The following SNX29 variants were observed in gnomAD, a reference collection of about 807,000 sequenced individuals.
SNX29 encodes the protein sorting nexin-29.
SNX29 carries 78 observed loss-of-function variants against 102.1 expected under a neutral mutation model. That is an observed-to-expected ratio of 0.76 (90% CI 0.64 to 0.92). SNX29 has a LOEUF of 0.92. Ranked by LOEUF, SNX29 falls within the 40% of genes least tolerant of loss-of-function variation. The pLI is 0.00. For synonymous variants in SNX29, 580 were observed against 414.5 expected, an observed-to-expected ratio of 1.40 and a Z score of -4.85; for missense variants, 1,280 against 1,061.7, an observed-to-expected ratio of 1.21 and a Z score of -2.86.
chr16:12,156,998 A>T (rs2055580171), intron 13 of SNX29, among the ~76,000 whole-genome samples: 1 of 151,950 alleles, frequency 6.6e-6, no homozygotes, highest in Non-Finnish European at 1.5e-5. Context: ...AGGGGCTTGG[A>T]TTTAGGTGCT....
At chr16:12,355,504 A>G (rs1448049936) in intron 15 of SNX29, among the ~76,000 whole-genome samples, 2 of 152,170 alleles carry the variant, frequency 1.3e-5, no homozygotes, top group African/African-American at 4.8e-5. Flanking sequence ...CTGACCTCGC[A>G]TTCTGGGGAC....
chr16:12,549,378 C>G (rs1356760723), intron 20 of SNX29, among the ~76,000 whole-genome samples: 1 of 152,130 alleles, frequency 6.6e-6, no homozygotes, highest in Non-Finnish European at 1.5e-5. Flanking sequence ...ACCTGTAGTC[C>G]CAGCTACTCA....
At chr16:12,212,666 T>G (rs2077218015) in intron 14 of SNX29, among the ~76,000 whole-genome samples, 1 of 152,286 alleles carries the variant, frequency 6.6e-6, no homozygotes, top group African/African-American at 2.4e-5. Flanking sequence ...TCTTGTTTGC[T>G]TACTTTTTAA....
At chr16:12,506,305 C>A (rs2089375749) in intron 19 of SNX29, among the ~76,000 whole-genome samples, 1 of 152,052 alleles carries the variant, frequency 6.6e-6, no homozygotes, top group South Asian at 2.1e-4. Context: ...AGGGGGACAA[C>A]ACCCTAAAAA....
At chr16:12,237,242 G>A (rs1234108730) in intron 14 of SNX29, among the ~76,000 whole-genome samples, 1 of 152,154 alleles carries the variant, frequency 6.6e-6, no homozygotes, top group Non-Finnish European at 1.5e-5. Context: ...GGGAGTTTCT[G>A]AAGCCCAGCG....
intron 18 of SNX29, chr16:12,442,846 A>G (rs11075077): frequency 0.68 from 248,002 of 364,592 alleles, 86,687 homozygotes; most frequent in African/African-American, 0.88. Flanking sequence ...CTCCCATCTC[A>G]GCCTCACAAG....
At position 12,415,730 on chromosome 16, in the gene SNX29, C is replaced by T. The variant is rs140282444; in HGVS notation, c.2037+12201C>T. Among the ~76,000 whole-genome samples the T allele has an allele frequency of 3.7e-3, 557 of 152,278 alleles. 2 individuals carry two copies. The highest frequency in any genetic ancestry group is 0.013 in the African/African-American group (538 of 41,550). On this transcript the variant is annotated intron_variant, in intron 18 of 20. Coordinates refer to ENST00000566228, the MANE Select transcript of SNX29 (RefSeq NM_032167.5). ...GCTGACAGGTAGATGGACTCTCCTC[C>T]CCAGCGGGTCTCCATGGGGAACAGT...
At chr16:12,150,528 C>A (rs930194079) in intron 13 of SNX29, among the ~76,000 whole-genome samples, 12 of 152,224 alleles carry the variant, frequency 7.9e-5, no homozygotes, top group African/African-American at 2.4e-4. Context: ...TAACCTGAGT[C>A]ATTGAGGAGC....
At chr16:12,002,199 G>A (rs909640249) in intron 2 of SNX29, among the ~76,000 whole-genome samples, 3 of 152,122 alleles carry the variant, frequency 2.0e-5, no homozygotes, top group African/African-American at 2.4e-5. Flanking sequence ...TGTAATCCCA[G>A]CACTTTGGGA....
chr16:12,518,475 C>T (rs1258728356), intron 19 of SNX29, among the ~76,000 whole-genome samples: 2 of 152,204 alleles, frequency 1.3e-5, no homozygotes, highest in African/African-American at 4.8e-5. Flanking sequence ...ACCTTGACCA[C>T]CTGATGGCCA....
chr16:12,469,624 A>G (rs961114909), intron 18 of SNX29, among the ~76,000 whole-genome samples: 2 of 152,202 alleles, frequency 1.3e-5, no homozygotes, highest in African/African-American at 2.4e-5. Flanking sequence ...GGCAGCATTC[A>G]CTGAAGGCCC....
At chr16:12,152,002 T>C (rs2055322568) in intron 13 of SNX29, among the ~76,000 whole-genome samples, 1 of 151,698 alleles carries the variant, frequency 6.6e-6, no homozygotes, top group Non-Finnish European at 1.5e-5. Context: ...GCAGATTGCT[T>C]GAGCTCAGGA....
intron 17 of SNX29, among the ~76,000 whole-genome samples, chr16:12,400,007 C>T (rs7186272): frequency 0.16 from 24,293 of 152,036 alleles, 2,141 homozygotes; most frequent in Middle Eastern, 0.24. Context: ...GGCTGGTGTC[C>T]GGGCAGGTCC....
Position 12,572,554 on chromosome 16 carries a change from T to C in SNX29, c.*3925T>C. On this transcript the variant is annotated 3_prime_UTR_variant, in exon 21 of 21. Coordinates refer to ENST00000566228, the MANE Select transcript of SNX29 (RefSeq NM_032167.5). ...ACAGGGGGCTGCGACACCATCTGGC[T>C]CCTCACAGGGAGGTCCAGCCATGTT... The C allele has an allele frequency of 6.6e-6, 7 of 1,063,676 alleles. No homozygotes were observed. The highest frequency in any genetic ancestry group is 8.0e-6 in the Non-Finnish European group (7 of 878,220). 65.9% of individuals were successfully genotyped at this position (1,063,676 alleles called of 1,614,324 possible).
chr16:12,180,632 C>A (rs142315515), intron 13 of SNX29, among the ~76,000 whole-genome samples: 6 of 152,060 alleles, frequency 3.9e-5, no homozygotes, highest in Non-Finnish European at 5.9e-5. Context: ...TACAGGCGCC[C>A]GCCACCACGT....
At chr16:12,292,274 T>C (rs1310654357) in intron 15 of SNX29, among the ~76,000 whole-genome samples, 1 of 152,172 alleles carries the variant, frequency 6.6e-6, no homozygotes, top group Non-Finnish European at 1.5e-5. Context: ...GACGCCTCCA[T>C]AGTTCCTTTT....
At chr16:12,493,625 A>T (rs995422594) in intron 19 of SNX29, among the ~76,000 whole-genome samples, 1 of 152,050 alleles carries the variant, frequency 6.6e-6, no homozygotes, top group Non-Finnish European at 1.5e-5. Context: ...ACAAGGTCTC[A>T]CTCTTGCCCA....
At chr16:12,236,770 T>C (rs2077947179) in intron 14 of SNX29, among the ~76,000 whole-genome samples, 1 of 152,230 alleles carries the variant, frequency 6.6e-6, no homozygotes, top group Non-Finnish European at 1.5e-5. Flanking sequence ...GACATTAGTC[T>C]GAGCACTCGT....
intron 18 of SNX29, among the ~76,000 whole-genome samples, chr16:12,407,962 G>T (rs1236454489): frequency 6.6e-6 from 1 of 152,110 alleles, no homozygotes; most frequent in East Asian, 1.9e-4. Context: ...CTGTATTTCA[G>T]CCTACGCAAC....
Sources: gnomAD v4.1 joint callset for allele counts (sites outside exome capture counted in the v4.1 genomes callset) on GRCh38, gnomAD v4.1.1 for gene constraint, MANE v1.5 for transcripts, NCBI Gene and HGNC (gene_info 2026-07-23, HGNC 2026-07-21) for gene names.